SIN3B: variants seen among roughly 807,000 people sequenced by gnomAD.
SIN3B encodes the protein SIN3 transcription regulator family member B.
Under a neutral mutation model 120.2 loss-of-function variants are expected in SIN3B, and 19 were observed. The observed-to-expected ratio is 0.16, with a 90% CI of 0.11 to 0.23. SIN3B has a LOEUF of 0.23. SIN3B is among the 10% of genes least tolerant of loss of function. The probability of loss-of-function intolerance (pLI) is 1.00; values close to 1 mark genes in which losing one functional copy is unlikely to be tolerated. For synonymous variants in SIN3B, 654 were observed against 653.2 expected, an observed-to-expected ratio of 1.00 and a Z score of -0.02; for missense variants, 1,073 against 1,573.0, an observed-to-expected ratio of 0.68 and a Z score of 5.38.
chr19:16,844,385 G>A (rs1465892885), intron 4 of SIN3B, among the ~76,000 whole-genome samples: 1 of 152,104 alleles, frequency 6.6e-6, no homozygotes, highest in Non-Finnish European at 1.5e-5. Context: ...CTTCTCCCTC[G>A]GGGTTCTTAT....
chr19:16,845,341 C>T (rs879547686), intron 4 of SIN3B, among the ~76,000 whole-genome samples: 13 of 152,182 alleles, frequency 8.5e-5, no homozygotes, highest in Non-Finnish European at 1.6e-4. Context: ...GGCGCAATCT[C>T]GTCTCACTGC....
chr19:16,857,523 G>A (rs1491001602), intron 8 of SIN3B, among the ~76,000 whole-genome samples: 3 of 124,022 alleles, frequency 2.4e-5, no homozygotes, highest in Non-Finnish European at 5.2e-5. Context: ...AAATATGTGT[G>A]TGTGTGTGTG....
chr19:16,878,707 C>T lies in SIN3B; in HGVS notation c.3373C>T (p.Arg1125Cys), dbSNP rs139041823. Residue 1125 changes from arginine (R) to cysteine (C), a missense_variant, in exon 19 of 19, where the codon CGC becomes TGC. Physicochemically the swap from Arg to Cys is radical, Grantham distance 180. Around this residue, in one of 7 missense-constraint regions of SIN3B, gnomAD observed 311 missense variants for 400.3 expected, o/e 0.78. Coordinates refer to ENST00000248054, the MANE Select transcript of SIN3B (RefSeq NM_001297595.2). ...GACCCGCTACCGCGTGCAGTACAGC[C>T]GCCGCCCGGCCTCGCCCTGACCCGC... Reference protein sequence around the residue: ...PVTRYRVQYSRRPASP With the variant: ...PVTRYRVQYSCRPASP The T allele has an allele frequency of 1.6e-5, 25 of 1,605,982 alleles. No homozygotes were observed. Among genetic ancestry groups the T allele is most frequent in the Admixed American group, 3.4e-5 (2 of 59,420 alleles).
chr19:16,854,104 G>A, intron 7 of SIN3B, 39 bp from the exon 8 acceptor site: 5 of 1,510,744 alleles, frequency 3.3e-6, no homozygotes, highest in Non-Finnish European at 3.7e-6. Context: ...AGGCTGAGGA[G>A]CAGGGGTTCA....
chr19:16,853,249 G>A, intron 7 of SIN3B, 91 bp downstream of exon 7: 1 of 1,218,550 alleles, frequency 8.2e-7, no homozygotes, highest in Non-Finnish European at 1.2e-6. Flanking sequence ...TTGGGGCGGG[G>A]AGCAGGTAGG....
chr19:16,851,573 GC>G (rs1971547036), intron 6 of SIN3B, 39 bp downstream of exon 6: 3 of 1,535,750 alleles, frequency 2.0e-6, no homozygotes, highest in African/African-American at 2.8e-5. Context: ...TGCACGCGGG[GC>G]CCCCAGCAAA....
intron 16 of SIN3B, chr19:16,877,236 G>A: frequency 2.5e-6 from 1 of 407,002 alleles, no homozygotes; most frequent in Non-Finnish European, 4.5e-6. Context: ...CAACCACAGT[G>A]TGGGCCGGGC....
chr19:16,854,033 G>C, intron 7 of SIN3B, 110 bp from the exon 8 acceptor site: 2 of 706,828 alleles, frequency 2.8e-6, no homozygotes, highest in East Asian at 5.2e-5. Flanking sequence ...TTTACTTATA[G>C]ACACAGTTGG....
Position 16,865,628 on chromosome 19 carries a change from T to C in SIN3B, c.1602T>C (p.Ala534=), listed in dbSNP as rs1165388968. 6.2e-7 allele frequency: 1 copy of C among 1,605,514 alleles called. No individual in the cohort carries two copies. The highest frequency in any genetic ancestry group is 2.2e-5 in the East Asian group (1 of 44,610). ...IESLKKNPVT[A]VPVVLKRLKA... is the part of the protein sequence containing the mutation. ...GCCTCAAGAAGAACCCTGTCACCGC[T>C]GTCCCCGTTGTCCTGAAAAGGTGCC... Residue 534 remains alanine (A), a synonymous_variant, in exon 11 of 19, where the codon GCT becomes GCC. Transcript: ENST00000248054.
At chr19:16,848,390 C>T (rs1971504519) in intron 5 of SIN3B, among the ~76,000 whole-genome samples, 1 of 146,966 alleles carries the variant, frequency 6.8e-6, no homozygotes, top group South Asian at 2.1e-4. Flanking sequence ...CGGTTTCTGT[C>T]TCTCCACATG....
chr19:16,869,024 G>C (rs956350838), intron 12 of SIN3B, among the ~76,000 whole-genome samples: 10 of 152,024 alleles, frequency 6.6e-5, no homozygotes, highest in Admixed American at 1.3e-4. Flanking sequence ...AGCCCCGGTC[G>C]AGCTGGAATC....
chr19:16,864,123 A>G (rs997783288), intron 10 of SIN3B, among the ~76,000 whole-genome samples: 2 of 152,062 alleles, frequency 1.3e-5, no homozygotes, highest in Non-Finnish European at 2.9e-5. Flanking sequence ...GCGAAACCCC[A>G]TCTCTACCAA....
At position 16,876,597 on chromosome 19, in the gene SIN3B, T is replaced by A. The variant is rs761048288; in HGVS notation, c.2859+19T>A. 2.4e-5 allele frequency: 38 copies of A among 1,598,972 alleles called. No individual in the cohort carries two copies. In the East Asian group the frequency reaches 8.3e-4, roughly 35 times the overall value. On this transcript the variant is annotated intron_variant, in intron 16 of 18. Coordinates refer to ENST00000248054, the MANE Select transcript of SIN3B (RefSeq NM_001297595.2). This position sits in a 1 kb window ranked among gnomAD's most constrained non-coding sequence, Gnocchi z 7.1. ...GGTCCAGGTGAGGCCCTGGCCCCAG[T>A]CTGTGCCACGCATACCAGGGAGCGC...
At chr19:16,875,524 C>G in intron 14 of SIN3B, among the ~76,000 whole-genome samples, 1 of 131,806 alleles carries the variant, frequency 7.6e-6, no homozygotes, top group South Asian at 2.5e-4. Flanking sequence ...TCTGTTTGGT[C>G]TGGTCTGGTC....
At chr19:16,851,586 C>A in intron 6 of SIN3B, 52 bp downstream of exon 6, 1 of 1,519,050 alleles carries the variant, frequency 6.6e-7, no homozygotes. Context: ...CCCAGCAAAT[C>A]GGGCCTTCCC....
chr19:16,877,241 C>T lies in SIN3B; in HGVS notation c.2860-304C>T, dbSNP rs148543200. 723 of 411,080 alleles carry T rather than the reference C, an allele frequency of 1.8e-3. 9 individuals carry two copies. Among genetic ancestry groups the T allele is most frequent in the African/African-American group, 0.013 (644 of 49,334 alleles). 25.5% of individuals were successfully genotyped at this position (411,080 alleles called of 1,614,324 possible). A position where few individuals can be genotyped will look rare whatever the true frequency, so the allele number is the denominator to read the frequency against. The stretch of plus-strand genomic sequence containing the variant: ...CAGCAGTCCACAACCACAGTGTGGG[C>T]CGGGCGGTGCTCCTGCCAAAGGCTC... On this transcript the variant is annotated intron_variant, in intron 16 of 18. Transcript: ENST00000248054.
intron 4 of SIN3B, among the ~76,000 whole-genome samples, chr19:16,842,340 C>T (rs904965952): frequency 2.0e-5 from 3 of 151,522 alleles, no homozygotes; most frequent in Admixed American, 1.3e-4. Context: ...TGAACTCAAA[C>T]GACCCATCCA....
At chr19:16,840,588 C>T (rs888036205) in intron 3 of SIN3B, among the ~76,000 whole-genome samples, 11 of 152,320 alleles carry the variant, frequency 7.2e-5, no homozygotes, top group African/African-American at 2.2e-4. Flanking sequence ...CAGTACAAGA[C>T]GGTAGTGGTG....
At chr19:16,875,538 T>TTGGTC (rs1315824746) in intron 14 of SIN3B, among the ~76,000 whole-genome samples, 1 of 140,208 alleles carries the variant, frequency 7.1e-6, no homozygotes, top group African/African-American at 2.8e-5. Context: ...TCTGGTCTGT[T>TTGGTC]TGGTCTGGTC....
Sources: allele counts gnomAD v4.1 joint callset (sites outside exome capture counted in the v4.1 genomes callset), GRCh38; gene constraint gnomAD v4.1.1; regional missense constraint gnomAD v4.1.1; non-coding constraint Gnocchi (gnomAD v3.1); transcripts MANE v1.5; gene names NCBI Gene and HGNC (gene_info 2026-07-23, HGNC 2026-07-21).